The following NXPH1 variants were observed in gnomAD, a reference collection of about 807,000 sequenced individuals.
The protein encoded by NXPH1 is neurexophilin 1, also known as neurexophilin-1.
NXPH1 carries 5 observed loss-of-function variants against 23.7 expected under a neutral mutation model. The observed-to-expected ratio is 0.21, with a 90% CI of 0.11 to 0.44. The LOEUF (loss-of-function observed/expected upper bound fraction) is 0.44, where lower values mean the gene tolerates loss of function less well. NXPH1 is among the 20% of genes least tolerant of loss of function. NXPH1 has a pLI of 0.99. For missense variants in NXPH1, 324 were observed against 321.6 expected (o/e 1.01, Z -0.06); for synonymous variants, 144 against 122.2 (o/e 1.18, Z -1.18).
intron 2 of NXPH1, among the ~76,000 whole-genome samples, chr7:8,516,644 T>C (rs1240081625): frequency 6.6e-6 from 1 of 152,130 alleles, no homozygotes; most frequent in Non-Finnish European, 1.5e-5. Context: ...GGGGAATTGC[T>C]TCATCTAAGT....
chr7:8,491,724 A>G (rs971721081), intron 2 of NXPH1, among the ~76,000 whole-genome samples: 1 of 152,070 alleles, frequency 6.6e-6, no homozygotes, highest in Non-Finnish European at 1.5e-5. Context: ...GGATTCTCAC[A>G]GTACTTTTCA....
chr7:8,735,964 A>G (rs1054924557), intron 2 of NXPH1, among the ~76,000 whole-genome samples: 5 of 152,006 alleles, frequency 3.3e-5, no homozygotes, highest in East Asian at 1.9e-4. Flanking sequence ...TTGTATTTCT[A>G]TGGGATCAGT....
intron 2 of NXPH1, among the ~76,000 whole-genome samples, chr7:8,735,652 A>G (rs1017047726): frequency 6.6e-6 from 1 of 152,178 alleles, no homozygotes; most frequent in Admixed American, 6.5e-5. Flanking sequence ...CTGGCCTCAT[A>G]AAATGAGTTA....
intron 2 of NXPH1, among the ~76,000 whole-genome samples, chr7:8,726,303 G>A (rs1179867755): frequency 6.8e-6 from 1 of 147,822 alleles, no homozygotes; most frequent in Non-Finnish European, 1.5e-5. Flanking sequence ...ACACTTTACT[G>A]CAATAATTTT....
chr7:8,594,455 A>AT, intron 2 of NXPH1, among the ~76,000 whole-genome samples: 1 of 152,006 alleles, frequency 6.6e-6, no homozygotes. Context: ...GAGAAAGCAT[A>AT]TTTTTTTAAC....
At chr7:8,451,208 C>T (rs1412899736) in intron 2 of NXPH1, among the ~76,000 whole-genome samples, 16 of 151,254 alleles carry the variant, frequency 1.1e-4, no homozygotes, top group Non-Finnish European at 2.4e-4. Flanking sequence ...TAACAGAGTG[C>T]AGCCAACAGA....
intron 2 of NXPH1, among the ~76,000 whole-genome samples, chr7:8,649,656 TTTG>T (rs1405678637): frequency 2.0e-5 from 3 of 152,204 alleles, no homozygotes; most frequent in Admixed American, 6.5e-5. Context: ...GTTTCTTGTC[TTTG>T]TTGGCTGCTA....
intron 2 of NXPH1, among the ~76,000 whole-genome samples, chr7:8,693,549 T>C (rs1489773956): frequency 1.3e-5 from 2 of 152,242 alleles, no homozygotes; most frequent in East Asian, 3.8e-4. Context: ...TTTCCTCATC[T>C]CTAAGGCAGG....
chr7:8,526,465 G>A (rs1767542308), intron 2 of NXPH1, among the ~76,000 whole-genome samples: 3 of 152,248 alleles, frequency 2.0e-5, no homozygotes, highest in South Asian at 2.1e-4. Context: ...GGCATGATTG[G>A]TTTTGAAATG....
chr7:8,749,853 C>G (rs966537894), intron 2 of NXPH1, among the ~76,000 whole-genome samples: 2 of 152,162 alleles, frequency 1.3e-5, no homozygotes, highest in African/African-American at 2.4e-5. Flanking sequence ...TAGCTCCTGT[C>G]CTTGATTCTT....
intron 2 of NXPH1, among the ~76,000 whole-genome samples, chr7:8,604,858 T>C (rs1018421873): frequency 1.3e-5 from 2 of 152,114 alleles, no homozygotes; most frequent in Non-Finnish European, 2.9e-5. Context: ...GTCTGTAGCC[T>C]CAAATAAGCC....
At chr7:8,679,955 A>G (rs1300981658) in intron 2 of NXPH1, among the ~76,000 whole-genome samples, 2 of 152,258 alleles carry the variant, frequency 1.3e-5, no homozygotes, top group Non-Finnish European at 2.9e-5. Context: ...CAGGAGGCTG[A>G]GGTTGCAGTG....
At chr7:8,643,757 T>C (rs1271938503) in intron 2 of NXPH1, among the ~76,000 whole-genome samples, 2 of 152,086 alleles carry the variant, frequency 1.3e-5, no homozygotes, top group Admixed American at 1.3e-4. Flanking sequence ...TGCATAGAGG[T>C]TTATTAGAGT....
At chr7:8,731,727 A>G (rs1780157743) in intron 2 of NXPH1, among the ~76,000 whole-genome samples, 1 of 152,204 alleles carries the variant, frequency 6.6e-6, no homozygotes, top group Non-Finnish European at 1.5e-5. Flanking sequence ...TGCTGGGAGA[A>G]CCACTGCTCT....
At chr7:8,549,768 A>T (rs1454214547) in intron 2 of NXPH1, among the ~76,000 whole-genome samples, 1 of 151,580 alleles carries the variant, frequency 6.6e-6, no homozygotes, top group African/African-American at 2.4e-5. Flanking sequence ...GTTTTTACAG[A>T]GGAGGAAATA....
At chr7:8,496,407 T>G (rs1817337168) in intron 2 of NXPH1, among the ~76,000 whole-genome samples, 1 of 152,062 alleles carries the variant, frequency 6.6e-6, no homozygotes, top group African/African-American at 2.4e-5. Context: ...TTGATGAATA[T>G]CATAATCTTG....
At chr7:8,633,403 C>G (rs542502610) in intron 2 of NXPH1, among the ~76,000 whole-genome samples, 10 of 152,174 alleles carry the variant, frequency 6.6e-5, no homozygotes, top group African/African-American at 1.4e-4. Context: ...AGCCTAGAGA[C>G]AGAGCGAGAG....
chr7:8,657,952 C>T (rs563510331), intron 2 of NXPH1, among the ~76,000 whole-genome samples: 159 of 152,240 alleles, frequency 1.0e-3, no homozygotes, highest in Middle Eastern at 3.4e-3. Context: ...TGCTTGAACT[C>T]GGGAGGCGGA....
chr7:8,582,250 C>G (rs1322541873), intron 2 of NXPH1, among the ~76,000 whole-genome samples: 2 of 152,224 alleles, frequency 1.3e-5, no homozygotes, highest in Non-Finnish European at 2.9e-5. Context: ...CTCTGAGAGC[C>G]TCCAGGTCTG....
Sources: allele counts gnomAD v4.1 joint callset (sites outside exome capture counted in the v4.1 genomes callset), GRCh38; gene constraint gnomAD v4.1.1; transcripts MANE v1.5; gene names NCBI Gene and HGNC (gene_info 2026-07-23, HGNC 2026-07-21).